The following MAGI2 variants were observed in gnomAD, a reference collection of about 807,000 sequenced individuals.
The protein encoded by MAGI2 is membrane associated guanylate kinase, WW and PDZ domain containing 2.
In MAGI2, 35 loss-of-function variants were observed where a neutral mutation model predicts 133.3. The ratio of observed to expected loss-of-function variants is 0.26; its 90% CI spans 0.20 to 0.35. The LOEUF (loss-of-function observed/expected upper bound fraction) is 0.35. MAGI2 is among the 10% of genes least tolerant of loss of function. MAGI2 has a pLI of 1.00. For missense variants in MAGI2, 1,636 were observed against 1,863.4 expected (o/e 0.88, Z 2.25); for synonymous variants, 729 against 710.6 (o/e 1.03, Z -0.41).
At chr7:78,266,144 ATGTGTGTGTT>A (rs1416886076) in intron 9 of MAGI2, among the ~76,000 whole-genome samples, 1 of 151,546 alleles carries the variant, frequency 6.6e-6, no homozygotes, top group Admixed American at 6.5e-5. Flanking sequence ...TTGTGTGTGT[ATGTGTGTGTT>A]TACTACCTGA....
intron 9 of MAGI2, among the ~76,000 whole-genome samples, chr7:78,342,511 T>C (rs1316664139): frequency 6.6e-6 from 1 of 152,192 alleles, no homozygotes; most frequent in Non-Finnish European, 1.5e-5. Context: ...CATGCACACG[T>C]ATGTTTACTG....
intron 2 of MAGI2, among the ~76,000 whole-genome samples, chr7:78,827,829 A>G (rs1790797595): frequency 6.6e-6 from 1 of 152,292 alleles, no homozygotes; most frequent in African/African-American, 2.4e-5. Context: ...AAGAATTCAA[A>G]ATAAATTATG....
intron 1 of MAGI2, among the ~76,000 whole-genome samples, chr7:79,192,011 A>G (rs1827715977): frequency 6.6e-6 from 1 of 151,792 alleles, no homozygotes; most frequent in South Asian, 2.1e-4. Context: ...GGCTAGTTGA[A>G]TTTATTGATA....
At chr7:79,261,856 C>T (rs1411937125) in intron 1 of MAGI2, among the ~76,000 whole-genome samples, 1 of 152,102 alleles carries the variant, frequency 6.6e-6, no homozygotes, top group South Asian at 2.1e-4. Context: ...TTTCTATTCC[C>T]CTATCTTAAT....
At chr7:78,278,415 G>T (rs761206187) in intron 9 of MAGI2, among the ~76,000 whole-genome samples, 2 of 152,106 alleles carry the variant, frequency 1.3e-5, no homozygotes, top group Admixed American at 1.3e-4. Context: ...GTGTTTTGTG[G>T]ATCTGGATTG....
intron 4 of MAGI2, among the ~76,000 whole-genome samples, 175 bp downstream of exon 4, chr7:78,521,255 C>T (rs921579018): frequency 6.6e-6 from 1 of 151,934 alleles, no homozygotes; most frequent in African/African-American, 2.4e-5. Flanking sequence ...ATAATCTTCT[C>T]TCTTTGAAGA....
intron 2 of MAGI2, among the ~76,000 whole-genome samples, chr7:78,903,527 AG>A: frequency 6.6e-6 from 1 of 152,260 alleles, no homozygotes; most frequent in South Asian, 2.1e-4. Flanking sequence ...GTGACTTTGA[AG>A]GTACATTTCC....
chr7:78,607,861 A>C (rs117684591), intron 3 of MAGI2, among the ~76,000 whole-genome samples: 2,276 of 152,184 alleles, frequency 0.015, 31 homozygotes, highest in Non-Finnish European at 0.02. Flanking sequence ...GTACTCTCCA[A>C]GTTGGCCCAC....
chr7:78,603,443 A>G (rs886408001), intron 3 of MAGI2, among the ~76,000 whole-genome samples: 1 of 152,190 alleles, frequency 6.6e-6, no homozygotes, highest in Non-Finnish European at 1.5e-5. Context: ...TGAAGGCCAC[A>G]TTGAAAGAAG....
chr7:78,446,905 T>A (rs1020274731), intron 6 of MAGI2, among the ~76,000 whole-genome samples: 56 of 152,060 alleles, frequency 3.7e-4, no homozygotes, highest in African/African-American at 1.3e-3. Flanking sequence ...ACTATTATAC[T>A]TAACTTCAGG....
At chr7:78,254,500 T>C (rs1792760554) in intron 10 of MAGI2, 1 of 152,238 alleles carries the variant, frequency 6.6e-6, no homozygotes, top group African/African-American at 2.4e-5. Flanking sequence ...ATTCAAGTGC[T>C]ATTTTGTAAC....
At chr7:78,394,232 A>C (rs1240780747) in intron 6 of MAGI2, among the ~76,000 whole-genome samples, 1 of 152,206 alleles carries the variant, frequency 6.6e-6, no homozygotes, top group Non-Finnish European at 1.5e-5. Flanking sequence ...ACCTCAGTCA[A>C]GTAAACACAT....
intron 7 of MAGI2, among the ~76,000 whole-genome samples, chr7:78,350,971 C>T (rs969147228): frequency 1.3e-5 from 2 of 152,258 alleles, no homozygotes; most frequent in African/African-American, 4.8e-5. Flanking sequence ...GGTTACTATC[C>T]TGCTATCTTG....
chr7:79,027,902 G>A (rs1463975213), intron 1 of MAGI2, among the ~76,000 whole-genome samples: 2 of 151,944 alleles, frequency 1.3e-5, no homozygotes, highest in African/African-American at 4.8e-5. Flanking sequence ...ATTGTAAATG[G>A]ATTTTTATTG....
At chr7:78,338,534 A>G (rs894031395) in intron 9 of MAGI2, among the ~76,000 whole-genome samples, 1 of 152,212 alleles carries the variant, frequency 6.6e-6, no homozygotes, top group South Asian at 2.1e-4. Flanking sequence ...TGAAGATAGA[A>G]ACATTTGTCT....
intron 1 of MAGI2, among the ~76,000 whole-genome samples, chr7:79,144,803 C>G (rs1822460838): frequency 6.6e-6 from 1 of 152,142 alleles, no homozygotes; most frequent in Admixed American, 6.5e-5. Context: ...TAAAACTTCA[C>G]AGTTTGCCGT....
chr7:78,114,612 A>C (rs1489026985), intron 20 of MAGI2, among the ~76,000 whole-genome samples: 1 of 152,224 alleles, frequency 6.6e-6, no homozygotes, highest in African/African-American at 2.4e-5. Flanking sequence ...CCTGAGGAAG[A>C]TAAAATGGGA....
chr7:78,808,565 T>C (rs1295112078), intron 2 of MAGI2, among the ~76,000 whole-genome samples: 1 of 152,182 alleles, frequency 6.6e-6, no homozygotes, highest in Non-Finnish European at 1.5e-5. Context: ...CTCAGCTGTA[T>C]TTTCATGGCC....
At chr7:78,760,037 C>A (rs76025655) in intron 2 of MAGI2, among the ~76,000 whole-genome samples, 1 of 152,008 alleles carries the variant, frequency 6.6e-6, no homozygotes, top group South Asian at 2.1e-4. Context: ...ATTGCTTGAA[C>A]CCTGAAAGGT....
Sources: allele counts gnomAD v4.1 joint callset (sites outside exome capture counted in the v4.1 genomes callset), GRCh38; gene constraint gnomAD v4.1.1; transcripts MANE v1.5; gene names NCBI Gene and HGNC (gene_info 2026-07-23, HGNC 2026-07-21).